Variants in RFC4 observed in about 807,000 individuals in gnomAD.
RFC4 encodes replication factor C subunit 4, also known as A1 37 kDa subunit.
A neutral mutation model predicts 47.6 loss-of-function variants in RFC4; 38 were observed. The ratio of observed to expected loss-of-function variants is 0.80; its 90% CI spans 0.62 to 1.05. The LOEUF (loss-of-function observed/expected upper bound fraction) is 1.05. Ranked by LOEUF, RFC4 falls within the 50% of genes least tolerant of loss-of-function variation. RFC4 has a pLI of 0.00. For synonymous variants in RFC4, 164 were observed against 150.0 expected, an observed-to-expected ratio of 1.09 and a Z score of -0.68; for missense variants, 489 against 434.0, an observed-to-expected ratio of 1.13 and a Z score of -1.13.
intron 4 of RFC4, chr3:186,795,008 CTTTTT>C: frequency 2.0e-6 from 1 of 495,076 alleles, no homozygotes; most frequent in Non-Finnish European, 3.5e-6. Context: ...AATTTCTTTT[CTTTTT>C]ATTTTTTTGG....
At chr3:186,790,462 C>T (rs1482016955) in intron 8 of RFC4, 56 bp from the exon 9 acceptor site, 9 of 1,211,744 alleles carry the variant, frequency 7.4e-6, no homozygotes, top group Middle Eastern at 1.9e-4. Flanking sequence ...TAGACATACA[C>T]TCTGCCAACT....
At chr3:186,798,691 G>A (rs1367458046) in intron 3 of RFC4, among the ~76,000 whole-genome samples, 1 of 152,040 alleles carries the variant, frequency 6.6e-6, no homozygotes, top group Admixed American at 6.6e-5. Flanking sequence ...CCATGACCTG[G>A]AGTCTGATCC....
intron 4 of RFC4, among the ~76,000 whole-genome samples, chr3:186,795,354 T>A (rs1722222601): frequency 3.3e-5 from 5 of 152,246 alleles, no homozygotes; most frequent in South Asian, 2.1e-4. Context: ...TGGCATATTA[T>A]CAAAACCACT....
intron 1 of RFC4, 62 bp from the exon 2 acceptor site, chr3:186,804,786 C>A: frequency 6.6e-7 from 1 of 1,517,192 alleles, no homozygotes. Context: ...GAATCAGCAC[C>A]ATAGGAAAGC....
At chr3:186,792,127 A>G (rs1467640866) in intron 7 of RFC4, among the ~76,000 whole-genome samples, 1 of 152,172 alleles carries the variant, frequency 6.6e-6, no homozygotes, top group Non-Finnish European at 1.5e-5. Flanking sequence ...TTATGGTTAA[A>G]TTCTGTTATA....
Position 186,790,404 on chromosome 3 carries a change from T to TA in RFC4, c.803dup (p.Ile269AsnfsTer4), listed in dbSNP as rs777146195. 2 of 1,607,752 alleles carry TA rather than the reference T, an allele frequency of 1.2e-6. No homozygotes were observed. Among genetic ancestry groups the TA allele is most frequent in the South Asian group, 1.1e-5 (1 of 90,918 alleles). ...CTCCATCAATTTTCTCAGCTGGTAT[T>TA]ACCTAGGTAATTGAATGTTCGGTAT... On this transcript the variant is annotated frameshift_variant and splice_region_variant, in exon 9 of 11. Transcript: ENST00000296273. LOFTEE classifies it high-confidence loss of function.
chr3:186,805,861 T>C (rs938286659), intron 1 of RFC4, among the ~76,000 whole-genome samples: 2 of 152,228 alleles, frequency 1.3e-5, no homozygotes, highest in Non-Finnish European at 2.9e-5. Flanking sequence ...TGGTACATGG[T>C]AGATGCTCCG....
intron 3 of RFC4, among the ~76,000 whole-genome samples, chr3:186,800,397 C>T (rs924688545): frequency 2.0e-5 from 3 of 152,152 alleles, no homozygotes; most frequent in Non-Finnish European, 2.9e-5. Flanking sequence ...GGCAGCAAAA[C>T]CCAAAAGAAC....
At chr3:186,805,082 T>A (rs1413483114) in intron 1 of RFC4, among the ~76,000 whole-genome samples, 1 of 152,216 alleles carries the variant, frequency 6.6e-6, no homozygotes, top group Non-Finnish European at 1.5e-5. Context: ...CACATGGGCC[T>A]CCATGGTTTC....
chr3:186,802,085 G>A (rs545740622), intron 2 of RFC4, among the ~76,000 whole-genome samples: 7 of 151,222 alleles, frequency 4.6e-5, no homozygotes, highest in African/African-American at 1.5e-4. Flanking sequence ...ATTATTGGCC[G>A]GATGCGGTGG....
chr3:186,800,887 C>T (rs1220762607), intron 3 of RFC4, among the ~76,000 whole-genome samples: 2 of 152,026 alleles, frequency 1.3e-5, no homozygotes, highest in Non-Finnish European at 2.9e-5. Context: ...CATAGTTTGT[C>T]TTAATTACTA....
chr3:186,801,727 A>AG (rs1295404477), intron 2 of RFC4, among the ~76,000 whole-genome samples: 1 of 150,896 alleles, frequency 6.6e-6, no homozygotes, highest in African/African-American at 2.4e-5. Flanking sequence ...AAAAAAAAAA[A>AG]AAAAGAAATT....
At chr3:186,805,382 G>A (rs995472758) in intron 1 of RFC4, among the ~76,000 whole-genome samples, 2 of 151,974 alleles carry the variant, frequency 1.3e-5, no homozygotes, top group African/African-American at 2.4e-5. Context: ...CACCACCCCC[G>A]GCTAATTTTT....
chr3:186,800,323 T>C (rs1395431884), intron 3 of RFC4, among the ~76,000 whole-genome samples: 1 of 152,182 alleles, frequency 6.6e-6, no homozygotes, highest in Admixed American at 6.5e-5. Context: ...TTCTAAATAG[T>C]TTTATAAATT....
chr3:186,801,305 C>T (rs1722346648), intron 2 of RFC4, 110 bp from the exon 3 acceptor site: 8 of 789,546 alleles, frequency 1.0e-5, no homozygotes, highest in African/African-American at 1.7e-5. Flanking sequence ...TAAACATCAG[C>T]AATGAAATGA....
At chr3:186,791,688 C>T (rs1185440198) in intron 8 of RFC4, 37 bp downstream of exon 8, 1 of 1,604,972 alleles carries the variant, frequency 6.2e-7, no homozygotes, top group Non-Finnish European at 8.5e-7. Context: ...ACAAAAAAGC[C>T]AACTAAAAAG....
intron 2 of RFC4, among the ~76,000 whole-genome samples, chr3:186,802,213 G>A (rs950592293): frequency 2.0e-5 from 3 of 151,818 alleles, no homozygotes; most frequent in African/African-American, 7.3e-5. Flanking sequence ...AAAATTAGGT[G>A]GGCGTGGTGG....
chr3:186,804,775 C>T lies in RFC4; in HGVS notation c.-11-51G>A, dbSNP rs1002421631. On this transcript the variant is annotated intron_variant, in intron 1 of 10. Coordinates refer to ENST00000296273, the MANE Select transcript of RFC4 (RefSeq NM_002916.5). The stretch of plus-strand genomic sequence containing the variant: ...AAAGCTTTTATTGAAACTTTTATTG[C>T]GAATCAGCACCATAGGAAAGCGGGG... The T allele has an allele frequency of 1.1e-5, 17 of 1,555,206 alleles. No individual in the cohort carries two copies. The African/African-American group carries it at 1.1e-4, about 10-fold the overall frequency.
rs972410939 is a variant in RFC4, at chr3:186,806,415, G to A, written c.-137C>T. The A allele has an allele frequency of 6.6e-6, 1 of 152,268 alleles. No homozygotes were observed. Among genetic ancestry groups the A allele is most frequent in the African/African-American group, 2.4e-5 (1 of 41,474 alleles). 9.4% of individuals were successfully genotyped at this position (152,268 alleles called of 1,614,324 possible). ...ACCTAATCTGAGAATAACGGGCCCA[G>A]GAGACTTACGATCACTGATGTCCCC... On this transcript the variant is annotated 5_prime_UTR_variant, in exon 1 of 11. Transcript: ENST00000296273.
Sources: allele counts gnomAD v4.1 joint callset (sites outside exome capture counted in the v4.1 genomes callset), GRCh38; gene constraint gnomAD v4.1.1; transcripts MANE v1.5; gene names NCBI Gene and HGNC (gene_info 2026-07-23, HGNC 2026-07-21).